Variants in RPTOR observed in about 807,000 individuals in gnomAD.
RPTOR encodes regulatory-associated protein of mTOR.
RPTOR carries 21 observed loss-of-function variants against 169.9 expected under a neutral mutation model. The ratio of observed to expected loss-of-function variants is 0.12; its 90% CI spans 0.09 to 0.18. The LOEUF (loss-of-function observed/expected upper bound fraction) is 0.18, where lower values mean the gene tolerates loss of function less well. RPTOR is among the 10% of genes least tolerant of loss of function. The probability of loss-of-function intolerance (pLI) is 1.00; values close to 1 mark genes in which losing one functional copy is unlikely to be tolerated. For missense variants in RPTOR, 1,133 were observed against 1,855.9 expected (o/e 0.61, Z 7.16); for synonymous variants, 732 against 753.2 (o/e 0.97, Z 0.46).
rs2068213325 is a variant in RPTOR, at chr17:80,883,955, T to C, written c.1825T>C (p.Ser609Pro). ...SAHEKLYSLL[S>P]DPIPEVRCAA... ...TCATGAGAAGCTCTACAGCCTCCTC[T>C]CCGACCCCATTCCCGAGGTGAGTCA... Residue 609 changes from serine (S) to proline (P), a missense_variant, in exon 16 of 34, where the codon TCC (serine) becomes CCC (proline). Transcript: ENST00000306801. 1 of 1,610,804 alleles carries C rather than the reference T, an allele frequency of 6.2e-7. No homozygotes were observed. The highest frequency in any genetic ancestry group is 1.3e-5 in the African/African-American group (1 of 74,900).
chr17:80,812,513 T>C (rs1462927117), intron 7 of RPTOR, among the ~76,000 whole-genome samples: 1 of 152,150 alleles, frequency 6.6e-6, no homozygotes, highest in African/African-American at 2.4e-5. Flanking sequence ...TCCTTGGCAG[T>C]GCATCACCTC....
chr17:80,839,720 G>C (rs1424408001), intron 10 of RPTOR, among the ~76,000 whole-genome samples: 1 of 152,134 alleles, frequency 6.6e-6, no homozygotes, highest in African/African-American at 2.4e-5. Flanking sequence ...GGAAACCTTC[G>C]GGAAACTGGC....
intron 10 of RPTOR, among the ~76,000 whole-genome samples, chr17:80,839,309 T>C (rs111614278): frequency 3.3e-4 from 51 of 152,336 alleles, no homozygotes; most frequent in African/African-American, 1.2e-3. Flanking sequence ...ACCCTCCCAT[T>C]ATTGCTTGAT....
chr17:80,850,094 C>T (rs985040901), intron 11 of RPTOR, among the ~76,000 whole-genome samples: 8 of 152,142 alleles, frequency 5.3e-5, no homozygotes, highest in African/African-American at 1.4e-4. Flanking sequence ...CCAGGGTATA[C>T]GGGTGCAGGT....
chr17:80,624,575 T>C (rs2065378726), intron 1 of RPTOR, among the ~76,000 whole-genome samples: 1 of 152,234 alleles, frequency 6.6e-6, no homozygotes, highest in African/African-American at 2.4e-5. Flanking sequence ...GGGATGAATT[T>C]GATTACCCAG....
chr17:80,946,219 CT>C (rs1313159112), intron 26 of RPTOR, among the ~76,000 whole-genome samples: 1 of 152,086 alleles, frequency 6.6e-6, no homozygotes, highest in Non-Finnish European at 1.5e-5. Context: ...AGAGTACCCA[CT>C]TCATGGGGGA....
chr17:80,576,746 C>T (rs2064967277), intron 1 of RPTOR, among the ~76,000 whole-genome samples: 1 of 152,144 alleles, frequency 6.6e-6, no homozygotes, highest in Non-Finnish European at 1.5e-5. Flanking sequence ...CTCTGTTATC[C>T]AGGCTAGAGT....
chr17:80,857,889 G>T lies in RPTOR; in HGVS notation c.1498G>T (p.Ala500Ser). The T allele has an allele frequency of 1.2e-6, 2 of 1,612,742 alleles. No homozygotes were observed. The highest frequency in any genetic ancestry group is 1.7e-6 in the Non-Finnish European group (2 of 1,179,432). Residue 500 changes from alanine (A) to serine (S), a missense_variant, in exon 13 of 34, where the codon GCA becomes TCA. Ala to Ser is a moderately conservative substitution (Grantham distance 99, BLOSUM62 1). Around this residue, in one of 9 missense-constraint regions of RPTOR, gnomAD observed 289 missense variants for 585.8 expected, o/e 0.49. Transcript: ENST00000306801. The stretch of plus-strand genomic sequence containing the variant: ...CGTTTTCATCTGGGCCAAGATCCTC[G>T]CAGTGGACAGCGTGAGTATCCCCGC... ...LLVFIWAKILAVDSSCQADLV... is the reference protein window; with the variant it reads ...LLVFIWAKILSVDSSCQADLV...
chr17:80,663,185 C>T (rs1162486578), intron 3 of RPTOR, among the ~76,000 whole-genome samples: 1 of 152,202 alleles, frequency 6.6e-6, no homozygotes, highest in Non-Finnish European at 1.5e-5. Flanking sequence ...ACGCAGGGTG[C>T]ATCCACCCTC....
intron 3 of RPTOR, among the ~76,000 whole-genome samples, chr17:80,680,961 C>T (rs1421395925): frequency 1.3e-5 from 2 of 152,196 alleles, no homozygotes; most frequent in East Asian, 3.9e-4. Flanking sequence ...CACCAGGAGA[C>T]AACAGCAAAC....
intron 10 of RPTOR, among the ~76,000 whole-genome samples, chr17:80,840,607 C>CA (rs2067624492): frequency 2.1e-5 from 1 of 48,312 alleles, no homozygotes; most frequent in Admixed American, 2.9e-4. Flanking sequence ...CGGCAGCTCA[C>CA]TCTCACCACA....
At chr17:80,851,784 G>T (rs1188327410) in intron 11 of RPTOR, among the ~76,000 whole-genome samples, 1 of 152,250 alleles carries the variant, frequency 6.6e-6, no homozygotes, top group Non-Finnish European at 1.5e-5. Context: ...TGCTGGGCTA[G>T]TGTCCTGGTA....
At chr17:80,883,082 G>A (rs2068203746) in intron 14 of RPTOR, among the ~76,000 whole-genome samples, 1 of 152,300 alleles carries the variant, frequency 6.6e-6, no homozygotes, top group South Asian at 2.1e-4. Flanking sequence ...AGAGTGCTGG[G>A]CAGGCTGGGG....
At chr17:80,876,561 C>T (rs1286477129) in intron 13 of RPTOR, among the ~76,000 whole-genome samples, 1 of 125,350 alleles carries the variant, frequency 8.0e-6, no homozygotes, top group Non-Finnish European at 1.6e-5. Context: ...GCCTGTGCCA[C>T]GCAGGGTGTG....
chr17:80,548,172 C>G (rs983059177), intron 1 of RPTOR, among the ~76,000 whole-genome samples: 1 of 148,730 alleles, frequency 6.7e-6, no homozygotes, highest in Non-Finnish European at 1.5e-5. Context: ...CAGCCTCGAC[C>G]TCCTGGGCCT....
At chr17:80,602,747 T>C in intron 1 of RPTOR, 2 of 760,724 alleles carry the variant, frequency 2.6e-6, no homozygotes, top group Non-Finnish European at 4.7e-6. Context: ...TGCACACATC[T>C]GGAGTTGCCA....
chr17:80,790,907 G>A lies in RPTOR; in HGVS notation c.831-543G>A, dbSNP rs139505848. ...AGATGCTTTCCTACCTCCTGTTGGC[G>A]CCACGTTAGAGAAAGCCTGTCCGGC... On this transcript the variant is annotated intron_variant, in intron 6 of 33. Coordinates refer to ENST00000306801, the MANE Select transcript of RPTOR (RefSeq NM_020761.3). 5.3e-3 allele frequency among the ~76,000 whole-genome samples: 809 copies of A among 152,256 alleles called. 11 individuals are homozygous for A. The highest frequency in any genetic ancestry group is 0.018 in the African/African-American group (765 of 41,546).
intron 5 of RPTOR, 60 bp from the exon 6 acceptor site, chr17:80,753,950 T>C: frequency 7.1e-7 from 1 of 1,417,606 alleles, no homozygotes. Context: ...TGCAGCTTAC[T>C]ATTTGGTTGT....
At chr17:80,846,376 C>T (rs997976313) in intron 10 of RPTOR, 97 bp from the exon 11 acceptor site, 7 of 1,253,714 alleles carry the variant, frequency 5.6e-6, no homozygotes, top group East Asian at 4.6e-5. Context: ...GCGGGCCCTT[C>T]GTGAAGGCTT....
Sources: allele counts gnomAD v4.1 joint callset (sites outside exome capture counted in the v4.1 genomes callset), GRCh38; gene constraint gnomAD v4.1.1; regional missense constraint gnomAD v4.1.1; transcripts MANE v1.5; gene names NCBI Gene and HGNC (gene_info 2026-07-23, HGNC 2026-07-21).